Variants in THSD7A observed in about 807,000 individuals in gnomAD.
THSD7A encodes the protein thrombospondin type-1 domain-containing protein 7A.
Under a neutral mutation model 231.3 loss-of-function variants are expected in THSD7A, and 96 were observed. The observed-to-expected ratio is 0.41, with a 90% CI of 0.35 to 0.49. THSD7A has a LOEUF of 0.49. Among genes scored for constraint, THSD7A ranks in the 20% least tolerant of loss-of-function variants. THSD7A has a pLI of 0.05. For synonymous variants in THSD7A, 940 were observed against 743.3 expected, an observed-to-expected ratio of 1.26 and a Z score of -4.30; for missense variants, 2,290 against 2,070.2, an observed-to-expected ratio of 1.11 and a Z score of -2.06.
chr7:11,773,492 T>G (rs1312477449), intron 1 of THSD7A, among the ~76,000 whole-genome samples: 1 of 151,924 alleles, frequency 6.6e-6, no homozygotes, highest in Non-Finnish European at 1.5e-5. Context: ...ATCGAGCCAT[T>G]GCAAACTCCA....
At chr7:11,638,242 T>A (rs1781946832) in intron 1 of THSD7A, among the ~76,000 whole-genome samples, 1 of 152,226 alleles carries the variant, frequency 6.6e-6, no homozygotes, top group South Asian at 2.1e-4. Flanking sequence ...GCTCTACGGA[T>A]GAGAAAAACA....
intron 11 of THSD7A, among the ~76,000 whole-genome samples, chr7:11,455,065 C>A (rs1445861594): frequency 6.6e-6 from 1 of 152,052 alleles, no homozygotes; most frequent in Admixed American, 6.6e-5. Context: ...ATGCCCTTCT[C>A]AGATGAGACC....
At chr7:11,653,638 G>GGT (rs1384929229) in intron 1 of THSD7A, among the ~76,000 whole-genome samples, 7 of 151,770 alleles carry the variant, frequency 4.6e-5, no homozygotes, top group African/African-American at 9.7e-5. Context: ...TGGAACTACA[G>GGT]GCATGTGTCA....
chr7:11,412,844 C>T, intron 17 of THSD7A, 44 bp from the exon 18 acceptor site: 1 of 1,581,728 alleles, frequency 6.3e-7, no homozygotes, highest in Non-Finnish European at 8.6e-7. Flanking sequence ...GAATACTCAG[C>T]TACACAACTG....
chr7:11,705,927 A>G (rs572408451), intron 1 of THSD7A, among the ~76,000 whole-genome samples: 7 of 151,112 alleles, frequency 4.6e-5, no homozygotes, highest in African/African-American at 1.7e-4. Flanking sequence ...ATCAGTGAGC[A>G]TATAATATGT....
chr7:11,829,557 T>C (rs916754234), intron 1 of THSD7A, among the ~76,000 whole-genome samples: 3 of 152,150 alleles, frequency 2.0e-5, no homozygotes, highest in African/African-American at 7.2e-5. Context: ...AATATGATTC[T>C]CTATAATCCT....
At chr7:11,490,262 T>A (rs1469007619) in intron 6 of THSD7A, among the ~76,000 whole-genome samples, 2 of 152,094 alleles carry the variant, frequency 1.3e-5, no homozygotes, top group Non-Finnish European at 2.9e-5. Context: ...GTAAATAACA[T>A]GACCTTTAAA....
chr7:11,630,511 C>G (rs185293446), intron 2 of THSD7A, among the ~76,000 whole-genome samples: 251 of 152,198 alleles, frequency 1.6e-3, no homozygotes, highest in Non-Finnish European at 3.1e-3. Context: ...TTATGTTTAT[C>G]CCATGTATTT....
chr7:11,471,061 A>G (rs909430185), intron 8 of THSD7A, among the ~76,000 whole-genome samples: 2 of 151,978 alleles, frequency 1.3e-5, no homozygotes, highest in Non-Finnish European at 2.9e-5. Context: ...TGATGCTACT[A>G]TTGCTAGAGG....
At chr7:11,686,788 T>C (rs1469386572) in intron 1 of THSD7A, among the ~76,000 whole-genome samples, 1 of 151,834 alleles carries the variant, frequency 6.6e-6, no homozygotes, top group Non-Finnish European at 1.5e-5. Context: ...CATTGGGTAC[T>C]TATAGACATA....
At chr7:11,660,703 T>C (rs1397048180) in intron 1 of THSD7A, among the ~76,000 whole-genome samples, 1 of 151,442 alleles carries the variant, frequency 6.6e-6, no homozygotes. Flanking sequence ...CACAAAAAAT[T>C]ACATATGGAT....
At chr7:11,621,229 A>G (rs1781298788) in intron 2 of THSD7A, among the ~76,000 whole-genome samples, 1 of 152,226 alleles carries the variant, frequency 6.6e-6, no homozygotes, top group South Asian at 2.1e-4. Flanking sequence ...AGTCTGATTT[A>G]CAGTTGTCAA....
intron 1 of THSD7A, among the ~76,000 whole-genome samples, chr7:11,689,749 T>C (rs1226920261): frequency 6.7e-6 from 1 of 149,374 alleles, no homozygotes; most frequent in Non-Finnish European, 1.5e-5. Flanking sequence ...ATGGGGTGAA[T>C]ATAGCTTTTT....
chr7:11,385,478 T>C (rs1782694356), intron 23 of THSD7A: 1 of 152,086 alleles, frequency 6.6e-6, no homozygotes, highest in Non-Finnish European at 1.5e-5. Context: ...GGTCTACAAG[T>C]TTTTATTGTG....
At chr7:11,578,004 A>AT (rs748159411) in intron 4 of THSD7A, among the ~76,000 whole-genome samples, 15 of 152,050 alleles carry the variant, frequency 9.9e-5, no homozygotes, top group Admixed American at 7.9e-4. Context: ...GAAAAGGTCT[A>AT]TTTTTTTCCC....
intron 16 of THSD7A, among the ~76,000 whole-genome samples, chr7:11,419,021 G>A (rs143385812): frequency 1.3e-5 from 2 of 152,098 alleles, no homozygotes; most frequent in African/African-American, 4.8e-5. Flanking sequence ...GAGACATGTT[G>A]CAGACAGGAC....
At chr7:11,544,247 C>A (rs1433641641) in intron 4 of THSD7A, among the ~76,000 whole-genome samples, 1 of 151,884 alleles carries the variant, frequency 6.6e-6, no homozygotes, top group East Asian at 1.9e-4. Flanking sequence ...GAGGCTGAGG[C>A]AAGAGAATCA....
intron 6 of THSD7A, among the ~76,000 whole-genome samples, chr7:11,518,364 T>C (rs1320916230): frequency 6.6e-6 from 1 of 152,070 alleles, no homozygotes; most frequent in Non-Finnish European, 1.5e-5. Flanking sequence ...AATTTGGCTT[T>C]AAAGGAATGG....
intron 1 of THSD7A, among the ~76,000 whole-genome samples, chr7:11,639,376 T>C (rs900872867): frequency 6.6e-6 from 1 of 152,106 alleles, no homozygotes; most frequent in Non-Finnish European, 1.5e-5. Flanking sequence ...CTATTATTAA[T>C]AGTTGTGATT....
Sources: allele counts gnomAD v4.1 joint callset (sites outside exome capture counted in the v4.1 genomes callset), GRCh38; gene constraint gnomAD v4.1.1; transcripts MANE v1.5; gene names NCBI Gene and HGNC (gene_info 2026-07-23, HGNC 2026-07-21).